The following ACAP2 variants were observed in gnomAD, a reference collection of about 807,000 sequenced individuals.
ACAP2 encodes the protein arf-GAP with coiled-coil, ANK repeat and PH domain-containing protein 2.
ACAP2 carries 39 observed loss-of-function variants against 115.8 expected under a neutral mutation model. That is an observed-to-expected ratio of 0.34 (90% confidence interval 0.26 to 0.44). The LOEUF is 0.44. Ranked by LOEUF, ACAP2 falls within the 20% of genes least tolerant of loss-of-function variation. The probability of loss-of-function intolerance (pLI) is 1.00; values close to 1 mark genes in which losing one functional copy is unlikely to be tolerated. For missense variants in ACAP2, 662 were observed against 927.6 expected (o/e 0.71, Z 3.72); for synonymous variants, 289 against 315.8 (o/e 0.92, Z 0.90).
chr3:195,421,817 C>T (rs1430216550), intron 1 of ACAP2, among the ~76,000 whole-genome samples: 1 of 152,114 alleles, frequency 6.6e-6, no homozygotes, highest in African/African-American at 2.4e-5. Flanking sequence ...CATACTTCAC[C>T]TGGAAAGATT....
chr3:195,367,052 C>CAAAAAAA (rs35590029), intron 4 of ACAP2, among the ~76,000 whole-genome samples: 1 of 76,224 alleles, frequency 1.3e-5, no homozygotes. Context: ...CCAACCCCGC[C>CAAAAAAA]AAAAAAAAAA....
At chr3:195,329,469 A>ACTAC (rs1433488169) in intron 8 of ACAP2, among the ~76,000 whole-genome samples, 1 of 152,124 alleles carries the variant, frequency 6.6e-6, no homozygotes, top group Non-Finnish European at 1.5e-5. Context: ...TCCCTCTTGA[A>ACTAC]CTACCATCTG....
chr3:195,381,350 C>T (rs1001875896), intron 3 of ACAP2, among the ~76,000 whole-genome samples: 1 of 152,002 alleles, frequency 6.6e-6, no homozygotes, highest in Non-Finnish European at 1.5e-5. Context: ...AATTGTTTTG[C>T]GTGTATCAAG....
At chr3:195,319,451 G>A (rs1729304643) in intron 10 of ACAP2, among the ~76,000 whole-genome samples, 1 of 152,216 alleles carries the variant, frequency 6.6e-6, no homozygotes, top group Non-Finnish European at 1.5e-5. Flanking sequence ...CATAAAAGCA[G>A]CGCAGGGGCT....
chr3:195,426,909 T>C (rs1714726535), intron 1 of ACAP2, among the ~76,000 whole-genome samples: 1 of 152,128 alleles, frequency 6.6e-6, no homozygotes, highest in East Asian at 1.9e-4. Context: ...GGGTGGACTG[T>C]GGTAGACAAA....
chr3:195,410,118 C>CAT (rs1477602011), intron 1 of ACAP2, among the ~76,000 whole-genome samples: 2 of 151,950 alleles, frequency 1.3e-5, no homozygotes, highest in Admixed American at 6.6e-5. Context: ...AATTAACCCT[C>CAT]ATATATATAT....
At chr3:195,372,806 T>A (rs182102049) in intron 4 of ACAP2, among the ~76,000 whole-genome samples, 1 of 151,920 alleles carries the variant, frequency 6.6e-6, no homozygotes, top group African/African-American at 2.4e-5. Context: ...AGAGCAAAAC[T>A]CTGTCTCAAA....
chr3:195,292,038 G>C (rs1053799959), intron 19 of ACAP2, among the ~76,000 whole-genome samples: 2 of 152,090 alleles, frequency 1.3e-5, no homozygotes, highest in Non-Finnish European at 2.9e-5. Context: ...TTGTGAACTA[G>C]CAAAACACAT....
intron 4 of ACAP2, among the ~76,000 whole-genome samples, chr3:195,370,580 T>C (rs1316537332): frequency 3.3e-5 from 5 of 152,196 alleles, no homozygotes; most frequent in Non-Finnish European, 7.3e-5. Context: ...TTCTGGACTC[T>C]CTTCTCTGTT....
chr3:195,423,401 T>C (rs1714345423), intron 1 of ACAP2, among the ~76,000 whole-genome samples: 1 of 152,082 alleles, frequency 6.6e-6, no homozygotes, highest in Admixed American at 6.5e-5. Context: ...GGCAGGCGGA[T>C]CATCTAAGGT....
At chr3:195,356,033 A>C (rs1166608890) in intron 4 of ACAP2, 2 of 449,812 alleles carry the variant, frequency 4.4e-6, no homozygotes, top group Non-Finnish European at 9.0e-6. Context: ...AAGCACCTTC[A>C]TAAGAACCAA....
chr3:195,364,623 T>C (rs1732591540), intron 4 of ACAP2, among the ~76,000 whole-genome samples: 1 of 152,064 alleles, frequency 6.6e-6, no homozygotes, highest in African/African-American at 2.4e-5. Context: ...AAACAAGCAA[T>C]TAACAAATGT....
chr3:195,363,075 T>C (rs950633605), intron 4 of ACAP2, among the ~76,000 whole-genome samples: 1 of 152,240 alleles, frequency 6.6e-6, no homozygotes, highest in Non-Finnish European at 1.5e-5. Context: ...AAAAAAACTA[T>C]TACAACTGAT....
At chr3:195,416,328 G>A (rs561327961) in intron 1 of ACAP2, among the ~76,000 whole-genome samples, 62 of 149,746 alleles carry the variant, frequency 4.1e-4, no homozygotes, top group African/African-American at 1.5e-3. Flanking sequence ...CCTGGTGACA[G>A]AGCAAGACGC....
chr3:195,307,187 A>G (rs754973592), intron 12 of ACAP2, 36 bp downstream of exon 12: 1 of 1,545,760 alleles, frequency 6.5e-7, no homozygotes, highest in South Asian at 1.1e-5. Context: ...CTATAAAAAC[A>G]TAAAAGCAAA....
chr3:195,336,841 A>G (rs921752416), intron 7 of ACAP2, 91 bp downstream of exon 7: 13 of 990,548 alleles, frequency 1.3e-5, no homozygotes, highest in Admixed American at 1.2e-4. Context: ...AAACCTTATC[A>G]TGTATATAGC....
intron 5 of ACAP2, 28 bp downstream of exon 5, chr3:195,345,231 T>C (rs1261732937): frequency 6.5e-7 from 1 of 1,536,246 alleles, no homozygotes; most frequent in Non-Finnish European, 9.0e-7. Flanking sequence ...TAGTTAATTT[T>C]CTTTCCTCTT....
intron 10 of ACAP2, among the ~76,000 whole-genome samples, chr3:195,309,331 C>T (rs1372978413): frequency 6.6e-6 from 1 of 151,932 alleles, no homozygotes; most frequent in African/African-American, 2.4e-5. Context: ...CACCTGAGGT[C>T]GTCAGGAGTT....
intron 15 of ACAP2, among the ~76,000 whole-genome samples, chr3:195,298,578 G>A (rs1039683402): frequency 6.6e-6 from 1 of 151,738 alleles, no homozygotes; most frequent in Non-Finnish European, 1.5e-5. Context: ...CCTTAATCAT[G>A]AGCCCTTTTG....
Sources: gnomAD v4.1 joint callset for allele counts (sites outside exome capture counted in the v4.1 genomes callset) on GRCh38, gnomAD v4.1.1 for gene constraint, MANE v1.5 for transcripts, NCBI Gene and HGNC (gene_info 2026-07-23, HGNC 2026-07-21) for gene names.